AFAP1: variants seen among roughly 807,000 people sequenced by gnomAD.
AFAP1 encodes the protein actin filament associated protein 1.
In AFAP1, 75 loss-of-function variants were observed where a neutral mutation model predicts 93.9. The ratio of observed to expected loss-of-function variants is 0.80; its 90% CI spans 0.66 to 0.97. The LOEUF is 0.97. AFAP1 is among the 50% of genes least tolerant of loss of function. The probability of loss-of-function intolerance (pLI) is 0.00; values close to 1 mark genes in which losing one functional copy is unlikely to be tolerated. For synonymous variants in AFAP1, 517 were observed against 430.7 expected, an observed-to-expected ratio of 1.20 and a Z score of -2.48; for missense variants, 1,201 against 1,050.8, an observed-to-expected ratio of 1.14 and a Z score of -1.98.
rs181319604 is a variant in AFAP1 at position 7,866,285 on chromosome 4, G to A, written c.225+2337C>T. Among the ~76,000 whole-genome samples the A allele has an allele frequency of 3.0e-4, 45 of 150,972 alleles. No individual in the cohort carries two copies. In the East Asian group the frequency reaches 7.6e-3, roughly 26 times the overall value. On this transcript the variant is annotated intron_variant, in intron 3 of 17. Coordinates refer to ENST00000420658, the MANE Select transcript of AFAP1 (RefSeq NM_001134647.2). ...AATCTTGGCTTATGGCAACCTCTGC[G>A]TCCCGGGCTCAAGTGATCCTCCCAC...
chr4:7,793,297 C>T (rs1718063382), intron 11 of AFAP1, among the ~76,000 whole-genome samples: 1 of 152,186 alleles, frequency 6.6e-6, no homozygotes, highest in Non-Finnish European at 1.5e-5. Flanking sequence ...CAGGGGTCAG[C>T]AAACTATTGG....
chr4:7,839,760 T>C (rs4580651), intron 5 of AFAP1, among the ~76,000 whole-genome samples: 106,988 of 151,938 alleles, frequency 0.7, 38,698 homozygotes, highest in African/African-American at 0.87. Context: ...AAAGCTTCCC[T>C]TACCCCCGTT....
At chr4:7,903,008 C>T (rs552541375) in intron 1 of AFAP1, among the ~76,000 whole-genome samples, 2 of 152,322 alleles carry the variant, frequency 1.3e-5, no homozygotes, top group Admixed American at 6.5e-5. Context: ...ACCTCCTTCC[C>T]GGCAAGTATC....
chr4:7,859,370 G>A (rs1179113099), intron 3 of AFAP1, among the ~76,000 whole-genome samples: 1 of 152,050 alleles, frequency 6.6e-6, no homozygotes, highest in African/African-American at 2.4e-5. Context: ...AGTGAGCCAA[G>A]ATCGCCACAC....
At chr4:7,857,195 A>G (rs976353799) in intron 3 of AFAP1, among the ~76,000 whole-genome samples, 1 of 152,206 alleles carries the variant, frequency 6.6e-6, no homozygotes, top group Non-Finnish European at 1.5e-5. Flanking sequence ...ACTCAGTTAC[A>G]GTTCCAAGTA....
At chr4:7,871,248 C>T (rs1028971157) in intron 2 of AFAP1, among the ~76,000 whole-genome samples, 3 of 152,198 alleles carry the variant, frequency 2.0e-5, no homozygotes, top group South Asian at 4.1e-4. Context: ...AAGGCTGGCC[C>T]TGGCTGGCCT....
chr4:7,846,503 C>T (rs1713718149), intron 4 of AFAP1, among the ~76,000 whole-genome samples: 1 of 152,178 alleles, frequency 6.6e-6, no homozygotes, highest in African/African-American at 2.4e-5. Flanking sequence ...AAAGATGATT[C>T]TCATAGCGGC....
intron 6 of AFAP1, among the ~76,000 whole-genome samples, chr4:7,827,018 G>C (rs1248654473): frequency 6.6e-6 from 1 of 152,262 alleles, no homozygotes; most frequent in South Asian, 2.1e-4. Flanking sequence ...TAAAGAGATG[G>C]AGAACTTCAG....
chr4:7,864,093 C>G (rs62289327), intron 3 of AFAP1, among the ~76,000 whole-genome samples: 6 of 6,524 alleles, frequency 9.2e-4, no homozygotes, highest in Non-Finnish European at 7.2e-4. Context: ...CCATCACAAC[C>G]CATTCCCAAC....
At chr4:7,827,633 C>T (rs546520051) in intron 6 of AFAP1, among the ~76,000 whole-genome samples, 1 of 142,752 alleles carries the variant, frequency 7.0e-6, no homozygotes, top group African/African-American at 2.6e-5. Flanking sequence ...CGGCCAAAAG[C>T]TTCCCCAAGT....
intron 17 of AFAP1, among the ~76,000 whole-genome samples, chr4:7,767,284 G>C (rs1476260808): frequency 3.9e-5 from 6 of 152,230 alleles, no homozygotes; most frequent in African/African-American, 7.2e-5. Flanking sequence ...GGGAGCAAAA[G>C]GGAGCGGGGG....
At chr4:7,791,852 C>CAAA (rs10661853) in intron 11 of AFAP1, among the ~76,000 whole-genome samples, 1 of 146,938 alleles carries the variant, frequency 6.8e-6, no homozygotes, top group Non-Finnish European at 1.5e-5. Context: ...CAAAAAAAAA[C>CAAA]AAAAACAAAA....
At position 7,762,860 on chromosome 4, in the gene AFAP1, C is replaced by T. The variant is rs766670477; in HGVS notation, c.*905G>A. 1 of 152,358 alleles carries T rather than the reference C, an allele frequency of 6.6e-6. No individual in the cohort carries two copies. The highest frequency in any genetic ancestry group is 2.4e-5 in the African/African-American group (1 of 41,460). The allele number at this position is 152,358 out of a possible 1,614,324, so 9.4% of individuals were successfully genotyped here. A position where few individuals can be genotyped will look rare whatever the true frequency, so the allele number is the denominator to read the frequency against. ...CCCAAGCAGCAGTAAACGTCCTGTA[C>T]AGCGGCGAGGAGCCAGCCCCTGCCC... On this transcript the variant is annotated 3_prime_UTR_variant, in exon 18 of 18. Transcript: ENST00000420658.
chr4:7,791,753 T>G (rs1717871939), intron 11 of AFAP1, among the ~76,000 whole-genome samples: 2 of 149,786 alleles, frequency 1.3e-5, no homozygotes, highest in African/African-American at 2.5e-5. Flanking sequence ...CTTAGGAGGC[T>G]GAGATGGGAG....
At chr4:7,770,642 A>G (rs1715301485) in intron 16 of AFAP1, among the ~76,000 whole-genome samples, 2 of 152,166 alleles carry the variant, frequency 1.3e-5, no homozygotes, top group South Asian at 4.1e-4. Context: ...AAAAGCTGAC[A>G]GAAAAGCTGA....
chr4:7,805,308 G>C (rs1719406158), intron 9 of AFAP1, among the ~76,000 whole-genome samples: 1 of 152,208 alleles, frequency 6.6e-6, no homozygotes, highest in Non-Finnish European at 1.5e-5. Context: ...TAAAGTGACA[G>C]AACATTTCAG....
intron 1 of AFAP1, among the ~76,000 whole-genome samples, chr4:7,886,787 C>G (rs1315030095): frequency 2.6e-5 from 4 of 152,182 alleles, no homozygotes; most frequent in Admixed American, 6.5e-5. Context: ...CTCCTGATGC[C>G]TAGGCTGGGA....
chr4:7,848,716 C>A (rs924835549), intron 4 of AFAP1, among the ~76,000 whole-genome samples: 1 of 152,120 alleles, frequency 6.6e-6, no homozygotes, highest in Non-Finnish European at 1.5e-5. Context: ...CACAGATACA[C>A]CCAAAAATAA....
At chr4:7,869,196 G>T (rs1236978953) in intron 2 of AFAP1, among the ~76,000 whole-genome samples, 1 of 151,870 alleles carries the variant, frequency 6.6e-6, no homozygotes, top group Admixed American at 6.6e-5. Context: ...AAAAGAGGAA[G>T]GAAGGAAGGG....
Sources: allele counts gnomAD v4.1 joint callset (sites outside exome capture counted in the v4.1 genomes callset), GRCh38; gene constraint gnomAD v4.1.1; transcripts MANE v1.5; gene names NCBI Gene and HGNC (gene_info 2026-07-23, HGNC 2026-07-21).